UBAP2: variants seen among roughly 807,000 people sequenced by gnomAD.
UBAP2 encodes the protein ubiquitin associated protein 2.
In UBAP2, 75 loss-of-function variants were observed where a neutral mutation model predicts 139.6. The observed-to-expected ratio is 0.54, with a 90% CI of 0.45 to 0.65. The LOEUF (loss-of-function observed/expected upper bound fraction) is 0.65. Ranked by LOEUF, UBAP2 falls within the 30% of genes least tolerant of loss-of-function variation. The pLI, the probability that UBAP2 is intolerant of heterozygous loss-of-function variation, is 0.00. For missense variants in UBAP2, 1,368 were observed against 1,369.6 expected, an observed-to-expected ratio of 1.00 and a Z score of 0.02; for synonymous variants, 526 against 526.2, an observed-to-expected ratio of 1.00 and a Z score of 0.01.
chr9:33,959,079 C>T (rs568488013), intron 10 of UBAP2, among the ~76,000 whole-genome samples: 5 of 151,656 alleles, frequency 3.3e-5, no homozygotes, highest in Admixed American at 2.0e-4. Context: ...AACCCAGAGG[C>T]GGAGGCTGCA....
chr9:33,943,632 T>C, intron 14 of UBAP2, 43 bp from the exon 15 acceptor site: 1 of 1,607,024 alleles, frequency 6.2e-7, no homozygotes. Flanking sequence ...AGGTCACAGA[T>C]TCCAGGTCAC....
chr9:34,036,983 T>G (rs1826467350), intron 1 of UBAP2, among the ~76,000 whole-genome samples: 1 of 4,208 alleles, frequency 2.4e-4, no homozygotes, highest in Non-Finnish European at 5.6e-4. Context: ...CACCCAGCTA[T>G]TTTTTTTTTT....
intron 2 of UBAP2, among the ~76,000 whole-genome samples, chr9:33,999,581 G>A (rs1010277108): frequency 6.6e-6 from 1 of 152,216 alleles, no homozygotes; most frequent in East Asian, 1.9e-4. Context: ...GTTTTTCTAA[G>A]AGACAGGGTT....
chr9:34,044,685 GTGA>G (rs1437474945), intron 1 of UBAP2, among the ~76,000 whole-genome samples: 2 of 151,826 alleles, frequency 1.3e-5, no homozygotes, highest in Non-Finnish European at 2.9e-5. Context: ...GGCCAACATG[GTGA>G]AATCCCATCT....
At chr9:34,039,384 T>A (rs192173329) in intron 1 of UBAP2, among the ~76,000 whole-genome samples, 4,031 of 152,280 alleles carry the variant, frequency 0.026, 107 homozygotes, top group Middle Eastern at 0.065. Flanking sequence ...CGGGCCATGA[T>A]GACGATGGCG....
chr9:33,931,870 G>C (rs1824013889), intron 19 of UBAP2, among the ~76,000 whole-genome samples: 1 of 152,016 alleles, frequency 6.6e-6, no homozygotes, highest in Non-Finnish European at 1.5e-5. Context: ...TGTTGTCCAG[G>C]AGCATGCACT....
At chr9:34,024,046 A>G (rs894594762) in intron 1 of UBAP2, among the ~76,000 whole-genome samples, 1 of 151,792 alleles carries the variant, frequency 6.6e-6, no homozygotes, top group Non-Finnish European at 1.5e-5. Context: ...TCTGTCTCAA[A>G]AAAAAATAAA....
chr9:33,935,713 G>C (rs1587520523), intron 17 of UBAP2, 126 bp downstream of exon 17: 2 of 1,150,444 alleles, frequency 1.7e-6, no homozygotes, highest in Non-Finnish European at 1.3e-6. Flanking sequence ...AAACAAAAAA[G>C]CAAAAGGGCT....
intron 11 of UBAP2, among the ~76,000 whole-genome samples, chr9:33,954,545 A>G (rs1280428635): frequency 8.5e-5 from 13 of 152,150 alleles, no homozygotes; most frequent in Non-Finnish European, 1.9e-4. Flanking sequence ...TTCAAAGGCC[A>G]GTTCCCATCA....
intron 13 of UBAP2, among the ~76,000 whole-genome samples, chr9:33,945,700 T>C (rs1162924114): frequency 6.6e-6 from 1 of 152,212 alleles, no homozygotes; most frequent in Non-Finnish European, 1.5e-5. Context: ...ACTATATACC[T>C]TACTGTCTCA....
At chr9:33,935,931 C>T in intron 16 of UBAP2, 53 bp from the exon 17 acceptor site, 1 of 1,555,746 alleles carries the variant, frequency 6.4e-7, no homozygotes. Context: ...AAATCATTAC[C>T]TGAGTGGCTT....
At position 33,953,447 on chromosome 9, in the gene UBAP2, C is replaced by T. The variant is rs770319674; in HGVS notation, c.894G>A (p.Lys298=). ...CTGAGGCTTGACTGTGAGGAACAGGCTTCTGGAGCAAGGCTACCAGATCAA... is the reference window on the plus strand; with the variant it reads ...CTGAGGCTTGACTGTGAGGAACAGGTTTCTGGAGCAAGGCTACCAGATCAA... ...QSIDLVALLQ[K]PVPHSQASEA... Residue 298 remains lysine (K), a synonymous_variant, in exon 12 of 29, where the codon AAG becomes AAA. Coordinates refer to ENST00000379238, the MANE Select transcript of UBAP2 (RefSeq NM_001370062.2). 3 of 1,614,030 alleles carry T rather than the reference C, an allele frequency of 1.9e-6. No homozygotes were observed. The highest frequency in any genetic ancestry group is 4.5e-5 in the East Asian group (2 of 44,880).
At position 33,971,571 on chromosome 9, in the gene UBAP2, C is replaced by T. The variant is rs1275633317; in HGVS notation, c.679+80G>A. 9.4e-6 allele frequency: 8 copies of T among 854,400 alleles called. No homozygotes were observed. In the Admixed American group the frequency reaches 1.4e-4, roughly 15 times the overall value. 52.9% of individuals were successfully genotyped at this position (854,400 alleles called of 1,614,324 possible). ...ATTCTTTTCCATCAGCACATTTAGA[C>T]TTCATCTTTGTATGAGAACATACAA... On this transcript the variant is annotated intron_variant, in intron 8 of 28. Coordinates refer to ENST00000379238, the MANE Select transcript of UBAP2 (RefSeq NM_001370062.2).
rs188589471 is a variant in UBAP2, at chr9:34,017,153, A to G, written c.-5T>C. ...ACTGCTCACTGAAGTCATCATATAC[A>G]GTATATACAAAATAATGTATGTACA... On this transcript the variant is annotated 5_prime_UTR_variant, in exon 2 of 29. Transcript: ENST00000379238. 7.8e-5 allele frequency: 122 copies of G among 1,572,620 alleles called. 1 individual carries two copies. The East Asian group carries it at 2.6e-3, about 33-fold the overall frequency.
At chr9:33,945,374 C>T (rs1825577388) in intron 13 of UBAP2, among the ~76,000 whole-genome samples, 2 of 152,020 alleles carry the variant, frequency 1.3e-5, no homozygotes, top group African/African-American at 2.4e-5. Flanking sequence ...TGGTGGGCAC[C>T]TGTAGTCCCA....
chr9:33,947,747 C>T (rs955328073), intron 13 of UBAP2, among the ~76,000 whole-genome samples: 6 of 151,756 alleles, frequency 4.0e-5, no homozygotes, highest in Non-Finnish European at 8.8e-5. Flanking sequence ...ATGGACTGAG[C>T]CTGGGAGGTC....
chr9:33,939,575 T>G (rs919339775), intron 16 of UBAP2, among the ~76,000 whole-genome samples: 1 of 148,952 alleles, frequency 6.7e-6, no homozygotes, highest in African/African-American at 2.5e-5. Context: ...CTGGGTAACA[T>G]GATGAAACCC....
intron 16 of UBAP2, 127 bp downstream of exon 16, chr9:33,941,521 TA>T: frequency 1.3e-6 from 1 of 798,584 alleles, no homozygotes; most frequent in Non-Finnish European, 2.0e-6. Context: ...CAATGAACTA[TA>T]AGGATTCTAC....
chr9:33,994,622 A>G (rs759168056), intron 4 of UBAP2: 7 of 152,014 alleles, frequency 4.6e-5, no homozygotes, highest in Admixed American at 2.6e-4. Flanking sequence ...AGGTCAGTAA[A>G]CAAAAACTAT....
Sources: allele counts gnomAD v4.1 joint callset (sites outside exome capture counted in the v4.1 genomes callset), GRCh38; gene constraint gnomAD v4.1.1; transcripts MANE v1.5; gene names NCBI Gene and HGNC (gene_info 2026-07-23, HGNC 2026-07-21).